Variants in MTUS1 observed in about 807,000 individuals in gnomAD.
MTUS1 encodes microtubule-associated tumor suppressor 1.
Under a neutral mutation model 120.8 loss-of-function variants are expected in MTUS1, and 109 were observed. That is an observed-to-expected ratio of 0.90 (90% CI 0.77 to 1.06). The LOEUF is 1.06. Among genes scored for constraint, MTUS1 ranks in the 50% least tolerant of loss-of-function variants. The pLI is 0.00. For missense variants in MTUS1, 2,210 were observed against 1,486.3 expected (o/e 1.49, Z -8.01); for synonymous variants, 737 against 550.5 (o/e 1.34, Z -4.74).
rs1462661680 is a variant in MTUS1, at chr8:17,754,743, T to A, written c.1065A>T (p.Pro355=). ...CTTGAGCTTCGCTCTTATCAAAAGC[T>A]GGCACCATTAAAGGGCATTCATCAT... ...LIDDECPLMV[P]AFDKSEAQVL... is the part of the protein sequence containing the mutation. Residue 355 remains proline, a synonymous_variant, in exon 2 of 15, where the codon CCA becomes CCT. Transcript: ENST00000693296. 3 of 1,614,264 alleles carry A rather than the reference T, an allele frequency of 1.9e-6. No homozygotes were observed. The highest frequency in any genetic ancestry group is 2.5e-6 in the Non-Finnish European group (3 of 1,180,054).
intron 7 of MTUS1, among the ~76,000 whole-genome samples, chr8:17,681,024 C>G (rs1032891141): frequency 4.6e-5 from 7 of 152,148 alleles, no homozygotes; most frequent in Middle Eastern, 3.4e-3. Context: ...ACCTCCACCT[C>G]TCAAAGTAAA....
At chr8:17,695,410 T>C (rs979187158) in intron 6 of MTUS1, among the ~76,000 whole-genome samples, 8 of 152,226 alleles carry the variant, frequency 5.3e-5, no homozygotes, top group Non-Finnish European at 4.4e-5. Flanking sequence ...TCTCTGGGCC[T>C]CAGACTTCCT....
intron 4 of MTUS1, among the ~76,000 whole-genome samples, chr8:17,716,855 G>A (rs974945578): frequency 6.6e-6 from 1 of 152,126 alleles, no homozygotes; most frequent in African/African-American, 2.4e-5. Context: ...CACCTAGCCT[G>A]TTTGTTTCCA....
intron 2 of MTUS1, among the ~76,000 whole-genome samples, chr8:17,751,365 G>C (rs1312442456): frequency 3.3e-5 from 5 of 152,168 alleles, no homozygotes; most frequent in Non-Finnish European, 7.4e-5. Flanking sequence ...AAGAGCCTTT[G>C]AGTGCTGCTG....
At chr8:17,734,674 A>C (rs1454397123) in intron 3 of MTUS1, among the ~76,000 whole-genome samples, 1 of 152,178 alleles carries the variant, frequency 6.6e-6, no homozygotes, top group Non-Finnish European at 1.5e-5. Flanking sequence ...GAATAAACCA[A>C]AGACTTAAAG....
intron 3 of MTUS1, among the ~76,000 whole-genome samples, chr8:17,742,116 G>A (rs935497933): frequency 6.6e-6 from 1 of 151,978 alleles, no homozygotes; most frequent in Non-Finnish European, 1.5e-5. Context: ...CAAGGGACAG[G>A]GTTTTGCTCT....
intron 6 of MTUS1, among the ~76,000 whole-genome samples, chr8:17,698,544 T>A (rs1470296938): frequency 6.6e-6 from 1 of 152,186 alleles, no homozygotes; most frequent in Non-Finnish European, 1.5e-5. Flanking sequence ...CCTATGCCTG[T>A]TTCCAAGATT....
At chr8:17,680,356 C>G (rs550284886) in intron 7 of MTUS1, among the ~76,000 whole-genome samples, 114 of 150,594 alleles carry the variant, frequency 7.6e-4, no homozygotes, top group African/African-American at 2.8e-3. Context: ...CCCAGCTACT[C>G]AGGAGGCTGA....
intron 7 of MTUS1, among the ~76,000 whole-genome samples, chr8:17,681,172 G>C (rs1421824612): frequency 2.0e-5 from 3 of 152,146 alleles, no homozygotes; most frequent in African/African-American, 7.2e-5. Context: ...GACCTCAGGT[G>C]ATCCACCCGC....
chr8:17,759,445 T>G (rs1359108753), intron 1 of MTUS1, among the ~76,000 whole-genome samples: 1 of 151,330 alleles, frequency 6.6e-6, no homozygotes, highest in Non-Finnish European at 1.5e-5. Flanking sequence ...TTTAAAAAAC[T>G]TTTTGTAGAA....
chr8:17,791,058 C>T (rs2051742698), intron 1 of MTUS1, among the ~76,000 whole-genome samples: 1 of 152,128 alleles, frequency 6.6e-6, no homozygotes, highest in Non-Finnish European at 1.5e-5. Flanking sequence ...TTATTACTTC[C>T]ACTCGCATTA....
At chr8:17,712,386 G>C (rs988831650) in intron 6 of MTUS1, among the ~76,000 whole-genome samples, 3 of 152,000 alleles carry the variant, frequency 2.0e-5, no homozygotes, top group Admixed American at 1.3e-4. Flanking sequence ...ACCCAGGCTG[G>C]AGTGCAGTGG....
intron 4 of MTUS1, chr8:17,721,993 G>C: frequency 1.5e-6 from 2 of 1,365,444 alleles, no homozygotes; most frequent in South Asian, 4.2e-5. Flanking sequence ...TTCGAATGGA[G>C]GGAAAAAAAA....
intron 8 of MTUS1, among the ~76,000 whole-genome samples, chr8:17,657,799 C>CAAA (rs1216051789): frequency 4.2e-4 from 38 of 91,198 alleles, no homozygotes; most frequent in East Asian, 3.4e-3. Flanking sequence ...GACCCTATCT[C>CAAA]AAAAAAAAAA....
chr8:17,780,969 A>T (rs540687005), intron 1 of MTUS1: 4 of 152,334 alleles, frequency 2.6e-5, no homozygotes, highest in African/African-American at 9.6e-5. Flanking sequence ...CTTCATAGTC[A>T]ATCCTGAGGG....
rs776866308 is a variant in MTUS1 at position 17,655,929 on chromosome 8, C to T, written c.3042G>A (p.Glu1014=). The T allele has an allele frequency of 1.2e-6, 2 of 1,614,216 alleles. No homozygotes were observed. Among genetic ancestry groups the T allele is most frequent in the South Asian group, 2.2e-5 (2 of 91,082 alleles). Residue 1014 remains glutamate (E), a synonymous_variant, in exon 9 of 15, where the codon GAG becomes GAA. Coordinates refer to ENST00000693296, the MANE Select transcript of MTUS1 (RefSeq NM_001363059.2). ...TGTAAGTGTCCCGAAGCTTTTCATA[C>T]TCCCTGGTGTAAAACTCTTTAAGCC... ...ENRLKEFYTR[E]YEKLRDTYIE...
intron 4 of MTUS1, among the ~76,000 whole-genome samples, chr8:17,717,660 C>A (rs975917416): frequency 2.6e-5 from 4 of 152,234 alleles, no homozygotes; most frequent in Non-Finnish European, 4.4e-5. Context: ...CAAAGGCCCA[C>A]GGTTCACAAA....
intron 5 of MTUS1, among the ~76,000 whole-genome samples, chr8:17,714,824 G>GTCAAGTT (rs1821997648): frequency 6.7e-6 from 1 of 149,380 alleles, no homozygotes. Flanking sequence ...CATTTTATAG[G>GTCAAGTT]TCAAGTTTCT....
chr8:17,801,419 G>A (rs1414446863), upstream of MTUS1: 1 of 151,784 alleles, frequency 6.6e-6, no homozygotes, highest in Non-Finnish European at 1.5e-5. Context: ...GCCGTCCCAG[G>A]GGACGGCCCT....
Sources: gnomAD v4.1 joint callset for allele counts (sites outside exome capture counted in the v4.1 genomes callset) on GRCh38, gnomAD v4.1.1 for gene constraint, MANE v1.5 for transcripts, NCBI Gene and HGNC (gene_info 2026-07-23, HGNC 2026-07-21) for gene names.